MAN2C1: variants seen among roughly 807,000 people sequenced by gnomAD.
The protein encoded by MAN2C1 is mannosidase alpha class 2C member 1.
MAN2C1 carries 111 observed loss-of-function variants against 126.9 expected under a neutral mutation model. The ratio of observed to expected loss-of-function variants is 0.87; its 90% CI spans 0.75 to 1.02. MAN2C1 has a LOEUF of 1.02. MAN2C1 is among the 50% of genes least tolerant of loss of function. The pLI is 0.00. For missense variants in MAN2C1, 1,363 were observed against 1,364.4 expected (o/e 1.00, Z 0.02); for synonymous variants, 567 against 561.5 (o/e 1.01, Z -0.14).
chr15:75,367,470 T>G, intron 3 of MAN2C1, 41 bp downstream of exon 3: 1 of 1,607,124 alleles, frequency 6.2e-7, no homozygotes, highest in Non-Finnish European at 8.5e-7. Flanking sequence ...ATTTCAGGGC[T>G]GAAATGTGGC....
chr15:75,359,515 T>C lies in MAN2C1; in HGVS notation c.1949-90A>G. 1.9e-6 allele frequency: 3 copies of C among 1,559,480 alleles called. No individual in the cohort carries two copies. In the South Asian group the frequency reaches 3.4e-5, roughly 18 times the overall value. ...GATGGGTTGGTGGAAGATGTGCTACTACTCTCCAGTCAGGGGCACCCAGAT... is the reference window on the plus strand; with the variant it reads ...GATGGGTTGGTGGAAGATGTGCTACCACTCTCCAGTCAGGGGCACCCAGAT... On this transcript the variant is annotated intron_variant, in intron 16 of 25. Transcript: ENST00000267978.
intron 3 of MAN2C1, among the ~76,000 whole-genome samples, chr15:75,366,985 T>A (rs2072588225): frequency 6.6e-6 from 1 of 152,122 alleles, no homozygotes; most frequent in Admixed American, 6.6e-5. Context: ...TGGCCCAGAA[T>A]GGACACCAGG....
rs140277288 is a variant in MAN2C1, at chr15:75,358,786, C to T, written c.2164G>A (p.Val722Met). Residue 722 changes from valine to methionine, a missense_variant, in exon 19 of 26, where the codon GTG becomes ATG. Coordinates refer to ENST00000267978, the MANE Select transcript of MAN2C1 (RefSeq NM_006715.4). ...TCAAATAGCACAAACTGGTTCCCCA[C>T]GGCGCCCTCAGCAATGGCCTCCCTG... is the stretch of plus-strand genomic sequence containing the variant. ...SGREAIAEGA[V>M]GNQFVLFDDV... 80 of 1,613,256 alleles carry T rather than the reference C, an allele frequency of 5.0e-5. No individual in the cohort carries two copies. The African/African-American group carries it at 7.9e-4, about 16-fold the overall frequency.
At chr15:75,363,558 C>T (rs2072518095) in intron 6 of MAN2C1, among the ~76,000 whole-genome samples, 1 of 152,172 alleles carries the variant, frequency 6.6e-6, no homozygotes, top group Non-Finnish European at 1.5e-5. Flanking sequence ...GTAATCCCAG[C>T]ACTTTGGGAG....
intron 21 of MAN2C1, chr15:75,357,155 T>TC: frequency 2.1e-6 from 1 of 479,452 alleles, no homozygotes; most frequent in South Asian, 2.7e-5. Flanking sequence ...TAAAACTTTG[T>TC]TTTTTTCACA....
In MAN2C1 at chr15:75,368,488, G is replaced by T; in HGVS notation, c.96C>A (p.Arg32=). Residue 32 remains arginine (R), a synonymous_variant, in exon 1 of 26, where the codon CGC becomes CGA. Coordinates refer to ENST00000267978, the MANE Select transcript of MAN2C1 (RefSeq NM_006715.4). ...SPLYFTDCNL[R]GRLFGASCPV... ...CGGGGGACCAGGGGCCACACCTGCC[G>T]CGGAGGTTACAGTCGGTAAAGTAGA... The T allele has an allele frequency of 6.4e-7, 1 of 1,551,622 alleles. No homozygotes were observed. Among genetic ancestry groups the T allele is most frequent in the Admixed American group, 2.0e-5 (1 of 51,198 alleles).
rs752051239 is a variant in MAN2C1 at position 75,359,662 on chromosome 15, C to T, written c.1906G>A (p.Glu636Lys). The change falls in exon 16 of 26, where the codon GAA (glutamate) becomes AAA (lysine). Residue 636 changes from glutamate to lysine, a missense_variant. Transcript: ENST00000267978. ...CCCGGTTTGGGCAGGGCCATCACTT[C>T]GATCCGCTTCCAGGGCAGTGTGTTG... ...IVNTLPWKRI[E>K]VMALPKPGGA... 11 of 1,614,046 alleles carry T rather than the reference C, an allele frequency of 6.8e-6. No individual in the cohort carries two copies. Among genetic ancestry groups the T allele is most frequent in the African/African-American group, 2.7e-5 (2 of 74,954 alleles).
chr15:75,368,322 G>T, intron 1 of MAN2C1, 124 bp from the exon 2 acceptor site: 5 of 1,456,370 alleles, frequency 3.4e-6, no homozygotes, highest in African/African-American at 1.4e-5. Flanking sequence ...GCCGCTCCGC[G>T]GCACAGTCCA....
chr15:75,358,227 T>C lies in MAN2C1; in HGVS notation c.2521A>G (p.Thr841Ala). ...GHLQRPTHYN[T>A]SWDWARFEVW... The stretch of plus-strand genomic sequence containing the variant: ...TCAAATCGAGCCCAGTCCCAAGAGG[T>C]ATTGTAGTGGGTAGGTCGCTGCAGG... The change falls in exon 21 of 26, where the codon ACC (threonine) becomes GCC (alanine). Residue 841 changes from threonine to alanine, a missense_variant. Coordinates refer to ENST00000267978, the MANE Select transcript of MAN2C1 (RefSeq NM_006715.4). 1 of 1,613,750 alleles carries C rather than the reference T, an allele frequency of 6.2e-7. No individual in the cohort carries two copies. Among genetic ancestry groups the C allele is most frequent in the South Asian group, 1.1e-5 (1 of 91,072 alleles).
intron 20 of MAN2C1, 55 bp from the exon 21 acceptor site, chr15:75,358,399 G>T (rs1171123436): frequency 5.0e-6 from 8 of 1,613,198 alleles, no homozygotes; most frequent in Admixed American, 3.3e-5. Context: ...ACCAAGGCCT[G>T]GGGCTGGCCC....
In MAN2C1 at chr15:75,360,080, C is replaced by T; in HGVS notation, c.1706+10G>A. On this transcript the variant is annotated intron_variant, in intron 14 of 25. Transcript: ENST00000267978. Reference sequence around the variant, plus strand: ...AGTCAGGTGGATGGCAGGGACAGAACTGGGCTGACCTCCAGAGGTGCTGCA... The same window carrying T: ...AGTCAGGTGGATGGCAGGGACAGAATTGGGCTGACCTCCAGAGGTGCTGCA... 4 of 1,614,036 alleles carry T rather than the reference C, an allele frequency of 2.5e-6. No individual in the cohort carries two copies. The highest frequency in any genetic ancestry group is 1.3e-5 in the African/African-American group (1 of 75,070).
rs768649910 is a variant in MAN2C1 at position 75,361,033 on chromosome 15, G to C, written c.1460+13C>G. The stretch of plus-strand genomic sequence containing the variant: ...CAGGGTGGGGCTAAAGGAGAGCCAA[G>C]GCCTGGCCTGACCTGGGCAGCCCAT... On this transcript the variant is annotated intron_variant, in intron 12 of 25. Coordinates refer to ENST00000267978, the MANE Select transcript of MAN2C1 (RefSeq NM_006715.4). The surrounding 1 kb of genome is among the most constrained non-coding windows in gnomAD (Gnocchi z 5.0). 6.2e-7 allele frequency: 1 copy of C among 1,603,080 alleles called. No homozygotes were observed. The highest frequency in any genetic ancestry group is 8.5e-7 in the Non-Finnish European group (1 of 1,175,514).
At chr15:75,368,011 G>T in intron 2 of MAN2C1, 62 bp downstream of exon 2, 6 of 1,531,974 alleles carry the variant, frequency 3.9e-6, no homozygotes, top group Non-Finnish European at 5.3e-6. Flanking sequence ...AGGTGTGGCT[G>T]GGAGCTGGGT....
chr15:75,361,568 C>T lies in MAN2C1; in HGVS notation c.1218+36G>A, dbSNP rs372084731. On this transcript the variant is annotated intron_variant, in intron 10 of 25. Transcript: ENST00000267978. This position sits in a 1 kb window ranked among gnomAD's most constrained non-coding sequence, Gnocchi z 5.0. Reference sequence around the variant, plus strand: ...GCAAATGGGCCAGGCGGGACTGAGGCCCACTCTGACCCTGACCCCCCGGGG... The same window carrying T: ...GCAAATGGGCCAGGCGGGACTGAGGTCCACTCTGACCCTGACCCCCCGGGG... 1 of 1,520,040 alleles carries T rather than the reference C, an allele frequency of 6.6e-7. No individual in the cohort carries two copies. Among genetic ancestry groups the T allele is most frequent in the South Asian group, 1.1e-5 (1 of 89,078 alleles). 94.2% of individuals were successfully genotyped at this position (1,520,040 alleles called of 1,614,324 possible).
intron 13 of MAN2C1, 160 bp downstream of exon 13, chr15:75,360,405 C>T: frequency 1.5e-6 from 2 of 1,294,826 alleles, no homozygotes; most frequent in Non-Finnish European, 2.1e-6. Context: ...GGGGTTTCTG[C>T]CTCCTTCAAG....
At position 75,358,625 on chromosome 15, in the gene MAN2C1, G is replaced by C; in HGVS notation, c.2247-7C>G. 1 of 1,612,672 alleles carries C rather than the reference G, an allele frequency of 6.2e-7. No individual in the cohort carries two copies. ...CTGGCCCAGCACAGGCTTCCTATGG[G>C]ACAGGGGTGGACATACTGATCCAGA... On this transcript the variant is annotated splice_region_variant and splice_polypyrimidine_tract_variant and intron_variant, in intron 19 of 25. Transcript: ENST00000267978.
rs1464552088 is a variant in MAN2C1, at chr15:75,358,189, G to A, written c.2547+12C>T. On this transcript the variant is annotated intron_variant, in intron 21 of 25. Coordinates refer to ENST00000267978, the MANE Select transcript of MAN2C1 (RefSeq NM_006715.4). ...AGGAGTCCAAGGCCACTCCCACCCT[G>A]CCATGTCAGACCTCAAATCGAGCCC... 7 of 1,613,864 alleles carry A rather than the reference G, an allele frequency of 4.3e-6. No homozygotes were observed. The highest frequency in any genetic ancestry group is 1.3e-5 in the African/African-American group (1 of 74,930).
In MAN2C1 at chr15:75,367,746, A is replaced by AAGGT. The variant is rs150310947; in HGVS notation, c.228-116_228-113dup. 4.0e-4 allele frequency: 547 copies of AAGGT among 1,374,450 alleles called. 4 individuals carry two copies. In the African/African-American group the frequency reaches 7.1e-3, roughly 18 times the overall value. 85.1% of individuals were successfully genotyped at this position (1,374,450 alleles called of 1,614,324 possible). On this transcript the variant is annotated intron_variant, in intron 2 of 25. Coordinates refer to ENST00000267978, the MANE Select transcript of MAN2C1 (RefSeq NM_006715.4). ...ACTCTCCAAGCATCTGCAGTGTCAC[A>AAGGT]AGGTACTCAGCTTTGAGTCACAAGA...
Position 75,361,140 on chromosome 15 carries a change from C to A in MAN2C1, c.1366G>T (p.Ala456Ser). The A allele has an allele frequency of 6.2e-7, 1 of 1,613,464 alleles. No homozygotes were observed. Among genetic ancestry groups the A allele is most frequent in the Non-Finnish European group, 8.5e-7 (1 of 1,179,838 alleles). ...CCATCCCCAAAGCCAAAGAGGAAGGCACTGTGGTTGGCCCGCCCCTTGTCC... is the reference window on the plus strand; with the variant it reads ...CCATCCCCAAAGCCAAAGAGGAAGGAACTGTGGTTGGCCCGCCCCTTGTCC... ...NRDKGRANHS[A>S]FLFGFGDGGG... Residue 456 changes from alanine to serine, a missense_variant, in exon 12 of 26, where the codon GCC (alanine) becomes TCC (serine). By Grantham distance (99) the Ala-to-Ser change is moderately conservative. Around this residue, in one of 3 missense-constraint regions of MAN2C1, gnomAD observed 628 missense variants for 609.8 expected, o/e 1.03. Transcript: ENST00000267978. The surrounding 1 kb of genome is among the most constrained non-coding windows in gnomAD (Gnocchi z 5.0).
Sources: gnomAD v4.1 joint callset for allele counts (sites outside exome capture counted in the v4.1 genomes callset) on GRCh38, gnomAD v4.1.1 for gene constraint, gnomAD v4.1.1 regional missense constraint, Gnocchi (gnomAD v3.1) non-coding constraint, MANE v1.5 for transcripts, NCBI Gene and HGNC (gene_info 2026-07-23, HGNC 2026-07-21) for gene names.